The following CASD1 variants were observed in gnomAD, a reference collection of about 807,000 sequenced individuals.
CASD1 encodes CAS1 domain sialic acid O acetyltransferase 1, also known as N-acetylneuraminate (7)9-O-acetyltransferase.
A neutral mutation model predicts 100.0 loss-of-function variants in CASD1; 41 were observed. That is an observed-to-expected ratio of 0.41 (90% CI 0.32 to 0.53). CASD1 has a LOEUF of 0.53. Among genes scored for constraint, CASD1 ranks in the 20% least tolerant of loss-of-function variants. The probability of loss-of-function intolerance (pLI) is 0.25; values close to 1 mark genes in which losing one functional copy is unlikely to be tolerated. For missense variants in CASD1, 774 were observed against 948.7 expected (o/e 0.82, Z 2.42); for synonymous variants, 321 against 315.6 (o/e 1.02, Z -0.18).
the CASD1 span, among the ~76,000 whole-genome samples, chr7:94,602,941 G>T: frequency 6.6e-6 from 1 of 151,990 alleles, no homozygotes; most frequent in South Asian, 2.1e-4. Context: ...TTCCAAAGTG[G>T]GTTAGTGGCA....
At chr7:94,545,257 G>A (rs1795619598) in intron 11 of CASD1, among the ~76,000 whole-genome samples, 1 of 152,042 alleles carries the variant, frequency 6.6e-6, no homozygotes, top group Non-Finnish European at 1.5e-5. Context: ...TCAGAAGGAC[G>A]ACTTTTTTCT....
At chr7:94,600,276 C>G in the CASD1 span, 1 of 227,520 alleles carries the variant, frequency 4.4e-6, no homozygotes, top group Non-Finnish European at 8.7e-6. Flanking sequence ...ACCATCACTT[C>G]TGATCAAACT....
chr7:94,532,505 C>T (rs747312209), intron 5 of CASD1, among the ~76,000 whole-genome samples: 6 of 151,962 alleles, frequency 3.9e-5, no homozygotes, highest in Admixed American at 1.3e-4. Flanking sequence ...GAGACAGTGC[C>T]GGATAGCATG....
At chr7:94,610,585 C>T in the CASD1 span, among the ~76,000 whole-genome samples, 3 of 152,032 alleles carry the variant, frequency 2.0e-5, no homozygotes, top group African/African-American at 7.2e-5. Context: ...GTAAATATGA[C>T]CTTGGATTAG....
In CASD1 at chr7:94,509,823, G is replaced by A. The variant is rs1261437775; in HGVS notation, c.-262G>A. The A allele has an allele frequency of 2.0e-6, 2 of 998,994 alleles. No homozygotes were observed. Among genetic ancestry groups the A allele is most frequent in the Non-Finnish European group, 2.4e-6 (2 of 839,194 alleles). 61.9% of individuals were successfully genotyped at this position (998,994 alleles called of 1,614,324 possible). A position where few individuals can be genotyped will look rare whatever the true frequency, so the allele number is the denominator to read the frequency against. ...AGGAAGGGGAGGAGACAGGCGTCCAGGGCGCCTGGGGAACCGGCACGGCGG... is the reference window on the plus strand; with the variant it reads ...AGGAAGGGGAGGAGACAGGCGTCCAAGGCGCCTGGGGAACCGGCACGGCGG... On this transcript the variant is annotated 5_prime_UTR_variant, in exon 1 of 18. Transcript: ENST00000297273.
the CASD1 span, chr7:94,588,673 T>C: frequency 6.3e-7 from 1 of 1,581,336 alleles, no homozygotes. Context: ...ATTAATTTAT[T>C]ATTCTTAGCA....
chr7:94,577,857 A>C, the CASD1 span, among the ~76,000 whole-genome samples: 1 of 152,198 alleles, frequency 6.6e-6, no homozygotes, highest in South Asian at 2.1e-4. Flanking sequence ...TGGGTCATCA[A>C]GGGAACTACC....
chr7:94,618,704 G>A, the CASD1 span: 1 of 1,443,860 alleles, frequency 6.9e-7, no homozygotes, highest in Non-Finnish European at 9.7e-7. Flanking sequence ...AGTTTGATAA[G>A]ATCACCGTAT....
At chr7:94,588,368 C>A in the CASD1 span, 1 of 1,135,336 alleles carries the variant, frequency 8.8e-7, no homozygotes. Context: ...TGGATGCATC[C>A]AAGCTAAGAA....
the CASD1 span, among the ~76,000 whole-genome samples, chr7:94,564,528 A>C: frequency 6.6e-6 from 1 of 152,180 alleles, no homozygotes; most frequent in Non-Finnish European, 1.5e-5. Context: ...AAAGGACCCA[A>C]TTGAGGCTAA....
chr7:94,512,672 A>AT (rs1200855306), intron 1 of CASD1, among the ~76,000 whole-genome samples: 3 of 152,192 alleles, frequency 2.0e-5, no homozygotes, highest in Non-Finnish European at 4.4e-5. Flanking sequence ...GGTAGATACA[A>AT]TTACCATATT....
the CASD1 span, among the ~76,000 whole-genome samples, chr7:94,571,585 G>T: frequency 6.6e-6 from 1 of 152,174 alleles, no homozygotes; most frequent in Non-Finnish European, 1.5e-5. Flanking sequence ...TTCTTGTCAT[G>T]TAGTGGTAGA....
the CASD1 span, among the ~76,000 whole-genome samples, chr7:94,606,529 C>A: frequency 6.6e-6 from 1 of 152,176 alleles, no homozygotes; most frequent in Non-Finnish European, 1.5e-5. Context: ...ACTATTATAG[C>A]TGGACATTTC....
intron 3 of CASD1, among the ~76,000 whole-genome samples, chr7:94,522,863 G>C (rs561777175): frequency 6.6e-6 from 1 of 152,080 alleles, no homozygotes; most frequent in East Asian, 1.9e-4. Flanking sequence ...GGGTTTCACC[G>C]TGTTAGCCAG....
chr7:94,563,132 C>T, the CASD1 span, among the ~76,000 whole-genome samples: 1 of 152,022 alleles, frequency 6.6e-6, no homozygotes, highest in African/African-American at 2.4e-5. Context: ...TGATGTATGA[C>T]AAAGTGAGTA....
At chr7:94,560,607 T>C (rs952732854), downstream of CASD1, among the ~76,000 whole-genome samples, 14 of 152,272 alleles carry the variant, frequency 9.2e-5, no homozygotes, top group African/African-American at 3.1e-4. Context: ...CTAATATCAG[T>C]GTGGAATGGA....
At chr7:94,518,050 G>T (rs1794065843) in intron 2 of CASD1, among the ~76,000 whole-genome samples, 153 bp from the exon 3 acceptor site, 1 of 152,214 alleles carries the variant, frequency 6.6e-6, no homozygotes, top group African/African-American at 2.4e-5. Context: ...GGAACGTGGA[G>T]TGGTAAGTTA....
chr7:94,570,341 A>G, the CASD1 span, among the ~76,000 whole-genome samples: 1 of 151,964 alleles, frequency 6.6e-6, no homozygotes, highest in South Asian at 2.1e-4. Flanking sequence ...TTACTATGGT[A>G]TTCATATTTA....
chr7:94,588,040 A>AT, the CASD1 span: 3 of 1,371,550 alleles, frequency 2.2e-6, no homozygotes, highest in Non-Finnish European at 1.9e-6. Context: ...AGAACTAGGA[A>AT]TCAACCACTA....
Sources: gnomAD v4.1 joint callset for allele counts (sites outside exome capture counted in the v4.1 genomes callset) on GRCh38, gnomAD v4.1.1 for gene constraint, MANE v1.5 for transcripts, NCBI Gene and HGNC (gene_info 2026-07-23, HGNC 2026-07-21) for gene names.